MYLK: variants seen among roughly 807,000 people sequenced by gnomAD.
MYLK encodes the protein myosin light chain kinase, also known as myosin light chain kinase, smooth muscle.
In MYLK, 106 loss-of-function variants were observed where a neutral mutation model predicts 203.4. The ratio of observed to expected loss-of-function variants is 0.52; its 90% CI spans 0.45 to 0.61. The LOEUF is 0.61. Ranked by LOEUF, MYLK falls within the 20% of genes least tolerant of loss-of-function variation. The pLI, the probability that MYLK is intolerant of heterozygous loss-of-function variation, is 0.00. For synonymous variants in MYLK, 867 were observed against 959.5 expected (o/e 0.90, Z 1.78); for missense variants, 2,072 against 2,442.3 (o/e 0.85, Z 3.20).
intron 24 of MYLK, among the ~76,000 whole-genome samples, chr3:123,652,363 T>C (rs535547083): frequency 6.6e-6 from 1 of 152,118 alleles, no homozygotes; most frequent in South Asian, 2.1e-4. Context: ...ATTTGGAAGA[T>C]GGTTCTGAGA....
At chr3:123,762,187 T>G (rs1255868514) in intron 4 of MYLK, among the ~76,000 whole-genome samples, 1 of 152,190 alleles carries the variant, frequency 6.6e-6, no homozygotes, top group Non-Finnish European at 1.5e-5. Context: ...TTCTGATATT[T>G]CTTCCATTAT....
intron 12 of MYLK, among the ~76,000 whole-genome samples, chr3:123,724,660 A>G (rs990561890): frequency 3.9e-5 from 6 of 152,222 alleles, no homozygotes; most frequent in Non-Finnish European, 5.9e-5. Flanking sequence ...TTCACAGGCA[A>G]TACATCAATG....
intron 20 of MYLK, among the ~76,000 whole-genome samples, chr3:123,670,640 A>C (rs2059885200): frequency 6.6e-6 from 1 of 152,050 alleles, no homozygotes. Context: ...CTGTAGTCTC[A>C]GTTACTTGGG....
intron 4 of MYLK, among the ~76,000 whole-genome samples, chr3:123,753,402 T>C (rs1379511297): frequency 6.6e-6 from 1 of 152,018 alleles, no homozygotes; most frequent in African/African-American, 2.4e-5. Flanking sequence ...TTTCTCTAAC[T>C]GTAGTTAGCA....
At chr3:123,756,391 C>T (rs1017865582) in intron 4 of MYLK, among the ~76,000 whole-genome samples, 1 of 152,122 alleles carries the variant, frequency 6.6e-6, no homozygotes, top group African/African-American at 2.4e-5. Context: ...CAGGTGTGTA[C>T]CTAAGACACC....
intron 3 of MYLK, among the ~76,000 whole-genome samples, chr3:123,795,859 C>G (rs79887297): frequency 6.6e-6 from 1 of 152,322 alleles, no homozygotes; most frequent in East Asian, 1.9e-4. Context: ...TGCTGTGAGT[C>G]AGGTAAACTG....
At chr3:123,823,352 G>T (rs1033951204) in intron 3 of MYLK, among the ~76,000 whole-genome samples, 1 of 152,090 alleles carries the variant, frequency 6.6e-6, no homozygotes, top group Non-Finnish European at 1.5e-5. Flanking sequence ...GATCTCGACT[G>T]GCTTATCTAA....
chr3:123,705,971 T>C (rs1217794657), intron 16 of MYLK, among the ~76,000 whole-genome samples: 1 of 152,214 alleles, frequency 6.6e-6, no homozygotes, highest in Non-Finnish European at 1.5e-5. Context: ...GGTAAGCGTG[T>C]ACCTTCTCCC....
chr3:123,751,510 A>G (rs936166), intron 5 of MYLK, among the ~76,000 whole-genome samples: 136,564 of 152,272 alleles, frequency 0.9, 62,978 homozygotes, highest in East Asian at 1. Flanking sequence ...TCTGAGTTAC[A>G]TAATTTTTAA....
chr3:123,838,084 G>A (rs766452574), intron 2 of MYLK, among the ~76,000 whole-genome samples: 6 of 152,040 alleles, frequency 3.9e-5, no homozygotes, highest in Non-Finnish European at 7.4e-5. Context: ...AGTACTTCAA[G>A]CAGTATAAAT....
intron 3 of MYLK, among the ~76,000 whole-genome samples, chr3:123,821,863 GT>G (rs1336044543): frequency 6.6e-6 from 1 of 152,186 alleles, no homozygotes; most frequent in Non-Finnish European, 1.5e-5. Context: ...GGTTGCTGTG[GT>G]TTGAATGTGT....
chr3:123,820,956 C>T (rs913133538), intron 3 of MYLK, among the ~76,000 whole-genome samples: 2 of 151,936 alleles, frequency 1.3e-5, no homozygotes, highest in African/African-American at 4.8e-5. Context: ...GTCGAACTCC[C>T]GACCTCAAGT....
intron 27 of MYLK, among the ~76,000 whole-genome samples, chr3:123,643,341 G>A (rs2058899956): frequency 6.6e-6 from 1 of 152,084 alleles, no homozygotes. Context: ...GAAAAAGCAA[G>A]CAACCATTGT....
rs534811361 is a variant in MYLK at position 123,737,171 on chromosome 3, G to A, written c.754+207C>T. On this transcript the variant is annotated intron_variant, in intron 8 of 33. Transcript: ENST00000360304. ...GTGGCGGAGGTTGCAGTGAGCTGAG[G>A]TCATGTCACTGCACTCCAGCATGGG... 1.9e-4 allele frequency: 113 copies of A among 585,996 alleles called. 4 individuals carry two copies. In the South Asian group the frequency reaches 2.3e-3, roughly 12 times the overall value. The allele number at this position is 585,996 out of a possible 1,614,324, so 36.3% of individuals were successfully genotyped here.
At chr3:123,766,199 T>G (rs2063696449) in intron 4 of MYLK, among the ~76,000 whole-genome samples, 1 of 152,262 alleles carries the variant, frequency 6.6e-6, no homozygotes, top group Admixed American at 6.5e-5. Flanking sequence ...CACTGCCTTA[T>G]AATAAATAAA....
At chr3:123,699,418 C>A (rs910750859) in intron 18 of MYLK, among the ~76,000 whole-genome samples, 1 of 152,172 alleles carries the variant, frequency 6.6e-6, no homozygotes, top group African/African-American at 2.4e-5. Context: ...TCTGTCTGCC[C>A]GTGAGTGTGT....
At chr3:123,689,174 G>A (rs2060569613) in intron 19 of MYLK, among the ~76,000 whole-genome samples, 1 of 152,198 alleles carries the variant, frequency 6.6e-6, no homozygotes. Flanking sequence ...AAAGCTGGAT[G>A]CCCTGGCCAG....
chr3:123,687,298 G>A (rs2060490640), intron 19 of MYLK, among the ~76,000 whole-genome samples: 1 of 152,170 alleles, frequency 6.6e-6, no homozygotes, highest in African/African-American at 2.4e-5. Flanking sequence ...AGAAAGGAGG[G>A]GTGGATCAAA....
chr3:123,780,203 G>A (rs941227060), intron 4 of MYLK, among the ~76,000 whole-genome samples: 1 of 151,828 alleles, frequency 6.6e-6, no homozygotes, highest in Non-Finnish European at 1.5e-5. Flanking sequence ...GGCGGCCTAG[G>A]TGGGTGGATC....
Sources: allele counts gnomAD v4.1 joint callset (sites outside exome capture counted in the v4.1 genomes callset), GRCh38; gene constraint gnomAD v4.1.1; transcripts MANE v1.5; gene names NCBI Gene and HGNC (gene_info 2026-07-23, HGNC 2026-07-21).